USH2A: variants seen among roughly 807,000 people sequenced by gnomAD.
USH2A encodes Usher syndrome 2A (autosomal recessive, mild).
USH2A carries 443 observed loss-of-function variants against 538.9 expected under a neutral mutation model. The observed-to-expected ratio is 0.82, with a 90% CI of 0.76 to 0.89. The LOEUF is 0.89. Ranked by LOEUF, USH2A falls within the 40% of genes least tolerant of loss-of-function variation. USH2A has a pLI of 0.00. For missense variants in USH2A, 6,633 were observed against 6,324.8 expected, an observed-to-expected ratio of 1.05 and a Z score of -1.65; for synonymous variants, 2,413 against 2,273.5, an observed-to-expected ratio of 1.06 and a Z score of -1.75.
At chr1:216,377,903 G>GGAAGGAAGGA (rs2038865579) in intron 3 of USH2A, among the ~76,000 whole-genome samples, 2 of 144,782 alleles carry the variant, frequency 1.4e-5, no homozygotes, top group African/African-American at 5.6e-5. Flanking sequence ...AAGAAAGAAA[G>GGAAGGAAGGA]AGAAAGAAAG....
intron 28 of USH2A, 52 bp downstream of exon 28, chr1:216,073,045 G>C (rs991080842): frequency 1.2e-5 from 19 of 1,612,900 alleles, no homozygotes; most frequent in Non-Finnish European, 1.6e-5. Context: ...GGGAGGGAAA[G>C]GGGGATGAAT....
intron 9 of USH2A, among the ~76,000 whole-genome samples, chr1:216,301,655 G>A (rs2037218865): frequency 6.6e-6 from 1 of 152,180 alleles, no homozygotes; most frequent in African/African-American, 2.4e-5. Context: ...TATGGATGCA[G>A]CACTGCCTAT....
At chr1:215,631,441 ACT>A (rs1656281226) in intron 70 of USH2A, among the ~76,000 whole-genome samples, 1 of 152,022 alleles carries the variant, frequency 6.6e-6, no homozygotes, top group African/African-American at 2.4e-5. Flanking sequence ...TACAAATTGT[ACT>A]CTCTTTAGTT....
At chr1:216,134,060 G>A (rs1397480231) in intron 21 of USH2A, among the ~76,000 whole-genome samples, 2 of 152,048 alleles carry the variant, frequency 1.3e-5, no homozygotes, top group African/African-American at 2.4e-5. Flanking sequence ...CTAATACAGA[G>A]TCTTTTTGAC....
chr1:215,818,516 G>C (rs566363516), intron 47 of USH2A, among the ~76,000 whole-genome samples: 8 of 151,484 alleles, frequency 5.3e-5, no homozygotes, highest in Non-Finnish European at 1.0e-4. Context: ...TGTTCTTAAA[G>C]AAAATGTTTG....
chr1:216,421,756 T>C, intron 2 of USH2A, 96 bp downstream of exon 2: 1 of 1,579,726 alleles, frequency 6.3e-7, no homozygotes, highest in East Asian at 2.2e-5. Context: ...GAATTCTATA[T>C]AGCCTTCACT....
At chr1:215,827,731 C>T (rs1017529217) in intron 47 of USH2A, among the ~76,000 whole-genome samples, 8 of 151,952 alleles carry the variant, frequency 5.3e-5, no homozygotes, top group Non-Finnish European at 1.2e-4. Context: ...AGTTTTAGTC[C>T]ATATTAAAAA....
At chr1:216,062,105 T>C (rs1372628382) in intron 30 of USH2A, among the ~76,000 whole-genome samples, 1 of 152,078 alleles carries the variant, frequency 6.6e-6, no homozygotes, top group Non-Finnish European at 1.5e-5. Context: ...GATGGAAAAA[T>C]TGTAACTTGA....
At chr1:216,319,560 T>A (rs1360971791) in intron 9 of USH2A, among the ~76,000 whole-genome samples, 2 of 152,122 alleles carry the variant, frequency 1.3e-5, no homozygotes, top group Non-Finnish European at 2.9e-5. Context: ...GGACTAGATG[T>A]ATATAAAGTA....
intron 69 of USH2A, among the ~76,000 whole-genome samples, chr1:215,636,318 C>T (rs1307822230): frequency 6.6e-6 from 1 of 152,188 alleles, no homozygotes. Flanking sequence ...TAAAACTAAA[C>T]TTTGAACTCC....
At chr1:216,050,890 C>A (rs1034574407) in intron 30 of USH2A, among the ~76,000 whole-genome samples, 1 of 152,014 alleles carries the variant, frequency 6.6e-6, no homozygotes, top group African/African-American at 2.4e-5. Context: ...CAGGCGTGAG[C>A]CACTGTGCCC....
intron 9 of USH2A, among the ~76,000 whole-genome samples, chr1:216,295,839 A>T (rs561228081): frequency 1.3e-5 from 2 of 152,048 alleles, no homozygotes; most frequent in Non-Finnish European, 2.9e-5. Flanking sequence ...TATTGGGACA[A>T]CAAAGGTTAT....
intron 61 of USH2A, among the ~76,000 whole-genome samples, chr1:215,703,231 T>C (rs1018483103): frequency 1.3e-5 from 2 of 152,156 alleles, no homozygotes; most frequent in Non-Finnish European, 2.9e-5. Context: ...GGAGCTCTCC[T>C]GTATGAGATG....
At chr1:216,074,677 G>T (rs2031688773) in intron 27 of USH2A, among the ~76,000 whole-genome samples, 1 of 152,128 alleles carries the variant, frequency 6.6e-6, no homozygotes, top group Non-Finnish European at 1.5e-5. Context: ...TGAAAGCAAT[G>T]AAGCTCAATA....
At chr1:216,418,100 C>A (rs1484104249) in intron 3 of USH2A, among the ~76,000 whole-genome samples, 3 of 152,084 alleles carry the variant, frequency 2.0e-5, no homozygotes, top group African/African-American at 7.2e-5. Context: ...AAATTTTATT[C>A]ACATCATCAG....
At chr1:215,709,531 A>G (rs994156992) in intron 61 of USH2A, among the ~76,000 whole-genome samples, 1 of 151,834 alleles carries the variant, frequency 6.6e-6, no homozygotes, top group Non-Finnish European at 1.5e-5. Context: ...GATCACAATG[A>G]TCTGATGAAT....
At chr1:216,180,173 T>C (rs184308282) in intron 20 of USH2A, among the ~76,000 whole-genome samples, 1 of 152,244 alleles carries the variant, frequency 6.6e-6, no homozygotes, top group Non-Finnish European at 1.5e-5. Context: ...TTCATCTATA[T>C]TCAAAATCTA....
chr1:215,850,257 AAC>A (rs527726472), intron 44 of USH2A, among the ~76,000 whole-genome samples: 143 of 152,326 alleles, frequency 9.4e-4, no homozygotes, highest in South Asian at 9.3e-3. Flanking sequence ...GGCATGAAAA[AAC>A]AGAGAAAGAC....
chr1:216,164,331 C>T (rs1159540340), intron 21 of USH2A, among the ~76,000 whole-genome samples: 1 of 151,998 alleles, frequency 6.6e-6, no homozygotes, highest in Non-Finnish European at 1.5e-5. Flanking sequence ...GAAAAAATGG[C>T]ACCAATATTA....
Sources: gnomAD v4.1 joint callset for allele counts (sites outside exome capture counted in the v4.1 genomes callset) on GRCh38, gnomAD v4.1.1 for gene constraint, MANE v1.5 for transcripts, NCBI Gene and HGNC (gene_info 2026-07-23, HGNC 2026-07-21) for gene names.